The following SPATA17 variants were observed in gnomAD, a reference collection of about 807,000 sequenced individuals.
SPATA17 encodes the protein spermatogenesis associated 17.
In SPATA17, 53 loss-of-function variants were observed where a neutral mutation model predicts 62.2. That is an observed-to-expected ratio of 0.85 (90% CI 0.68 to 1.07). SPATA17 has a LOEUF of 1.07. Among genes scored for constraint, SPATA17 ranks in the 50% least tolerant of loss-of-function variants. The pLI is 0.00. For missense variants in SPATA17, 466 were observed against 425.5 expected (o/e 1.10, Z -0.84); for synonymous variants, 146 against 146.8 (o/e 0.99, Z 0.04).
At chr1:217,680,656 G>A (rs1671058319) in intron 4 of SPATA17, among the ~76,000 whole-genome samples, 1 of 152,086 alleles carries the variant, frequency 6.6e-6, no homozygotes, top group African/African-American at 2.4e-5. Context: ...TGGGTGTGGT[G>A]GCTCACACGT....
intron 6 of SPATA17, among the ~76,000 whole-genome samples, chr1:217,767,850 C>A (rs1313126983): frequency 1.3e-5 from 2 of 152,168 alleles, no homozygotes; most frequent in Non-Finnish European, 2.9e-5. Context: ...CGTTCTGATG[C>A]CTGATTTGTC....
chr1:217,753,215 CA>C (rs1672958007), intron 6 of SPATA17, among the ~76,000 whole-genome samples: 1 of 152,170 alleles, frequency 6.6e-6, no homozygotes, highest in South Asian at 2.1e-4. Context: ...CAAGGGGCCC[CA>C]AAGCTTAAGC....
intron 1 of SPATA17, among the ~76,000 whole-genome samples, chr1:217,648,624 G>C (rs1166638266): frequency 6.6e-6 from 1 of 152,118 alleles, no homozygotes; most frequent in Non-Finnish European, 1.5e-5. Context: ...AAATTAATTA[G>C]TTGTAAAATT....
chr1:217,858,996 C>T (rs1179782103), intron 9 of SPATA17, among the ~76,000 whole-genome samples: 1 of 151,554 alleles, frequency 6.6e-6, no homozygotes, highest in Admixed American at 6.6e-5. Flanking sequence ...CTACTGCACT[C>T]CAGCCTGGGT....
chr1:217,805,176 A>G (rs190358812), intron 9 of SPATA17, among the ~76,000 whole-genome samples: 230 of 152,352 alleles, frequency 1.5e-3, no homozygotes, highest in Non-Finnish European at 2.5e-3. Flanking sequence ...TGCTAGATGT[A>G]CACATTGGAA....
At chr1:217,690,736 G>C (rs1253035972) in intron 5 of SPATA17, among the ~76,000 whole-genome samples, 3 of 118,114 alleles carry the variant, frequency 2.5e-5, no homozygotes, top group African/African-American at 1.0e-4. Flanking sequence ...GAGAATATGC[G>C]GTGTTTGGTT....
rs543646088 is a variant in SPATA17 at position 217,663,989 on chromosome 1, A to G, written c.241-5044A>G. Among the ~76,000 whole-genome samples, 4 of 152,192 alleles carry G rather than the reference A, an allele frequency of 2.6e-5. No homozygotes were observed. The East Asian group carries it at 5.8e-4, about 22-fold the overall frequency. On this transcript the variant is annotated intron_variant, in intron 3 of 10. Coordinates refer to ENST00000366933, the MANE Select transcript of SPATA17 (RefSeq NM_138796.4). Reference sequence around the variant, plus strand: ...AAACTGAGGAAAAGAAGAGATCCATACTAGATTTGTTTAGAGTGGGTGAAA... The same window carrying G: ...AAACTGAGGAAAAGAAGAGATCCATGCTAGATTTGTTTAGAGTGGGTGAAA...
chr1:217,742,274 A>G (rs1161321825), intron 6 of SPATA17, among the ~76,000 whole-genome samples, 176 bp downstream of exon 6: 1 of 152,200 alleles, frequency 6.6e-6, no homozygotes, highest in Non-Finnish European at 1.5e-5. Flanking sequence ...CTCGTCTGTG[A>G]CAGCGGCTTC....
intron 5 of SPATA17, among the ~76,000 whole-genome samples, chr1:217,712,610 T>G (rs994407840): frequency 1.3e-5 from 2 of 152,122 alleles, no homozygotes; most frequent in African/African-American, 4.8e-5. Flanking sequence ...GTGAGAGACT[T>G]CCTTCCTACC....
rs544100120 is a variant in SPATA17, at chr1:217,654,805, C to T, written c.240+3627C>T. ...TCAGCTCACTGCAACCTCTGCCTCC[C>T]GGGTTCAAGCGATTCTCCTGCCTCA... is the stretch of plus-strand genomic sequence containing the variant. On this transcript the variant is annotated intron_variant, in intron 3 of 10. Transcript: ENST00000366933. Among the ~76,000 whole-genome samples the T allele has an allele frequency of 4.0e-5, 6 of 151,674 alleles. No homozygotes were observed. In the East Asian group the frequency reaches 9.7e-4, roughly 25 times the overall value.
chr1:217,793,330 C>T (rs562787015), intron 8 of SPATA17, among the ~76,000 whole-genome samples: 1 of 148,658 alleles, frequency 6.7e-6, no homozygotes, highest in East Asian at 2.1e-4. Flanking sequence ...ATGCCATTCT[C>T]CCGCCTCAGC....
At chr1:217,755,972 A>G (rs1211483404) in intron 6 of SPATA17, among the ~76,000 whole-genome samples, 2 of 151,806 alleles carry the variant, frequency 1.3e-5, no homozygotes, top group Non-Finnish European at 2.9e-5. Context: ...TCCCCCTTCT[A>G]TGTCTTAATA....
At chr1:217,831,515 C>T (rs895873605) in intron 9 of SPATA17, among the ~76,000 whole-genome samples, 6 of 152,166 alleles carry the variant, frequency 3.9e-5, no homozygotes, top group African/African-American at 1.4e-4. Context: ...CTCCTAACTG[C>T]ATCTTGCTCA....
chr1:217,772,381 A>G (rs1347595894), intron 6 of SPATA17, among the ~76,000 whole-genome samples: 1 of 152,194 alleles, frequency 6.6e-6, no homozygotes, highest in Non-Finnish European at 1.5e-5. Flanking sequence ...GAGCCAGTAC[A>G]AAAATATTTT....
chr1:217,728,265 A>T (rs939229320), intron 5 of SPATA17, among the ~76,000 whole-genome samples: 2 of 152,190 alleles, frequency 1.3e-5, no homozygotes, highest in Admixed American at 1.3e-4. Flanking sequence ...ACACATTAAA[A>T]TTGCTAACAT....
chr1:217,643,203 A>T (rs1445895951), intron 1 of SPATA17, among the ~76,000 whole-genome samples: 1 of 152,148 alleles, frequency 6.6e-6, no homozygotes, highest in East Asian at 1.9e-4. Flanking sequence ...TGACAGAGAG[A>T]AACCTGGCTC....
At position 217,870,844 on chromosome 1, in the gene SPATA17, G is replaced by T. The variant is rs1676115023; in HGVS notation, c.*3825G>T. The T allele has an allele frequency of 6.6e-6, 1 of 152,156 alleles. No individual in the cohort carries two copies. The highest frequency in any genetic ancestry group is 2.1e-4 in the South Asian group (1 of 4,834). 9.4% of individuals were successfully genotyped at this position (152,156 alleles called of 1,614,324 possible). On this transcript the variant is annotated 3_prime_UTR_variant, in exon 11 of 11. Transcript: ENST00000366933. ...TCTAATTTCCTTGAGGGCAAATATT[G>T]TCTTTCTTGATAAATGCCCTGGACC...
intron 5 of SPATA17, among the ~76,000 whole-genome samples, chr1:217,723,583 A>G (rs1672188617): frequency 6.6e-6 from 1 of 152,186 alleles, no homozygotes; most frequent in African/African-American, 2.4e-5. Context: ...CTATACTCCT[A>G]GCACCTACCA....
intron 9 of SPATA17, among the ~76,000 whole-genome samples, chr1:217,815,134 T>G (rs779318859): frequency 8.5e-5 from 13 of 152,294 alleles, no homozygotes; most frequent in East Asian, 7.7e-4. Flanking sequence ...AGATTATTGC[T>G]TAAGTATCTT....
Sources: allele counts gnomAD v4.1 joint callset (sites outside exome capture counted in the v4.1 genomes callset), GRCh38; gene constraint gnomAD v4.1.1; transcripts MANE v1.5; gene names NCBI Gene and HGNC (gene_info 2026-07-23, HGNC 2026-07-21).